The following DNAH7 variants were observed in gnomAD, a reference collection of about 807,000 sequenced individuals.
DNAH7 encodes dynein axonemal heavy chain 7.
In DNAH7, 397 loss-of-function variants were observed where a neutral mutation model predicts 444.6. That is an observed-to-expected ratio of 0.89 (90% CI 0.82 to 0.97). The LOEUF (loss-of-function observed/expected upper bound fraction) is 0.97. Ranked by LOEUF, DNAH7 falls within the 50% of genes least tolerant of loss-of-function variation. DNAH7 has a pLI of 0.00. For missense variants in DNAH7, 4,902 were observed against 4,800.8 expected, an observed-to-expected ratio of 1.02 and a Z score of -0.62; for synonymous variants, 1,636 against 1,624.4, an observed-to-expected ratio of 1.01 and a Z score of -0.17.
At position 195,816,744 on chromosome 2, in the gene DNAH7, A is replaced by C; in HGVS notation, c.9645T>G (p.Phe3215Leu). Residue 3215 changes from phenylalanine (F) to leucine (L), a missense_variant, in exon 51 of 65, where the codon TTT becomes TTG. Phe to Leu is a conservative substitution (Grantham distance 22, BLOSUM62 0). Coordinates refer to ENST00000312428, the MANE Select transcript of DNAH7 (RefSeq NM_018897.3). ...PIAIHSSILF[F>L]SLADLANIEP... is the part of the protein sequence containing the mutation. ...CAATGTTGGCTAAATCAGCAAGAGA[A>C]AAAAATAGGATGGAAGAATGGATGG... The C allele has an allele frequency of 6.2e-7, 1 of 1,614,212 alleles. No homozygotes were observed. Among genetic ancestry groups the C allele is most frequent in the Middle Eastern group, 1.6e-4 (1 of 6,062 alleles).
In DNAH7 at chr2:195,873,558, GATTA is replaced by G. The variant is rs954678470; in HGVS notation, c.6413+6_6413+9del. 1.5e-6 allele frequency: 2 copies of G among 1,290,954 alleles called. No individual in the cohort carries two copies. Among genetic ancestry groups the G allele is most frequent in the African/African-American group, 1.6e-5 (1 of 64,498 alleles). 80.0% of individuals were successfully genotyped at this position (1,290,954 alleles called of 1,614,324 possible). On this transcript the variant is annotated splice_donor_region_variant and intron_variant, in intron 39 of 64. Transcript: ENST00000312428. ...CCTAATTAAAAAAAAAACAAATTTT[GATTA>G]CTTACCAGATTTCTAAATGCCAAGT...
chr2:195,766,567 T>C (rs1044742716), intron 61 of DNAH7, among the ~76,000 whole-genome samples: 1 of 151,918 alleles, frequency 6.6e-6, no homozygotes, highest in African/African-American at 2.4e-5. Context: ...GGGTTAATAG[T>C]AGGGATGGTT....
At chr2:196,015,739 CAT>C (rs1694980229) in intron 9 of DNAH7, among the ~76,000 whole-genome samples, 1 of 152,198 alleles carries the variant, frequency 6.6e-6, no homozygotes, top group Non-Finnish European at 1.5e-5. Context: ...CACTGCCACA[CAT>C]AGAGATGTCG....
At chr2:196,056,692 T>G (rs979313439) in intron 2 of DNAH7, among the ~76,000 whole-genome samples, 2 of 152,196 alleles carry the variant, frequency 1.3e-5, no homozygotes, top group Admixed American at 6.5e-5. Context: ...AGTTGCCTAC[T>G]GTGCTAATCA....
At chr2:196,012,482 G>A (rs1694780614) in intron 10 of DNAH7, among the ~76,000 whole-genome samples, 1 of 151,962 alleles carries the variant, frequency 6.6e-6, no homozygotes. Flanking sequence ...ACAAATACCT[G>A]GTGAATAATG....
In DNAH7 at chr2:195,754,659, T is replaced by C. The variant is rs1281799185; in HGVS notation, c.11587-145A>G. 39 of 729,488 alleles carry C rather than the reference T, an allele frequency of 5.3e-5. No homozygotes were observed. In the East Asian group the frequency reaches 1.1e-3, roughly 20 times the overall value. The allele number at this position is 729,488 out of a possible 1,614,324, so 45.2% of individuals were successfully genotyped here. On this transcript the variant is annotated intron_variant, in intron 62 of 64. Coordinates refer to ENST00000312428, the MANE Select transcript of DNAH7 (RefSeq NM_018897.3). The stretch of plus-strand genomic sequence containing the variant: ...CCAAGTAGCTGGGAATACAGGCACA[T>C]ACCACCATGCCTGGCTAATTTTTTT...
chr2:195,917,044 G>A (rs960969494), intron 24 of DNAH7, among the ~76,000 whole-genome samples: 4 of 147,956 alleles, frequency 2.7e-5, no homozygotes, highest in Non-Finnish European at 5.9e-5. Context: ...AGAGCTTGCA[G>A]TGAGCCGAGA....
intron 35 of DNAH7, 56 bp from the exon 36 acceptor site, chr2:195,882,048 A>G: frequency 6.9e-7 from 1 of 1,441,600 alleles, no homozygotes; most frequent in Non-Finnish European, 9.6e-7. Context: ...AAAAAGCTCT[A>G]TACTCCTGTG....
At chr2:195,888,007 TA>T (rs1475243726) in intron 33 of DNAH7, among the ~76,000 whole-genome samples, 1 of 152,170 alleles carries the variant, frequency 6.6e-6, no homozygotes, top group African/African-American at 2.4e-5. Context: ...AAGAAAGAAA[TA>T]ACATTTTGAC....
chr2:195,987,237 CAAAT>C (rs772610333), intron 13 of DNAH7, 44 bp from the exon 14 acceptor site: 47 of 1,413,894 alleles, frequency 3.3e-5, no homozygotes, highest in African/African-American at 2.8e-4. Flanking sequence ...AGAAATAAAA[CAAAT>C]AAATTTTCAC....
chr2:195,811,776 GA>G (rs148713731), intron 51 of DNAH7, among the ~76,000 whole-genome samples: 2,727 of 149,284 alleles, frequency 0.018, 77 homozygotes, highest in African/African-American at 0.062. Context: ...AGAAGTGAAA[GA>G]AAAAAAAAAC....
chr2:195,853,294 T>C, intron 46 of DNAH7, 49 bp downstream of exon 46: 1 of 1,537,984 alleles, frequency 6.5e-7, no homozygotes, highest in Non-Finnish European at 8.8e-7. Context: ...AGGGTTATAT[T>C]GGCTGTGATG....
intron 63 of DNAH7, among the ~76,000 whole-genome samples, chr2:195,750,950 G>C (rs1331020327): frequency 6.6e-6 from 1 of 151,990 alleles, no homozygotes; most frequent in East Asian, 1.9e-4. Flanking sequence ...ATTTTATGAG[G>C]GCAGGGGCTC....
rs545677013 is a variant in DNAH7 at position 195,880,442 on chromosome 2, C to A, written c.5961+1353G>T. Among the ~76,000 whole-genome samples the A allele has an allele frequency of 1.4e-3, 216 of 151,894 alleles. 1 individual carries two copies. Among genetic ancestry groups the A allele is most frequent in the African/African-American group, 4.8e-3 (197 of 41,422 alleles). ...CTCCTGGGTTCAAGCGATTCTCCTG[C>A]CTCAGCCACCTGAGTAGCTGGGACT... On this transcript the variant is annotated intron_variant, in intron 36 of 64. Transcript: ENST00000312428.
intron 30 of DNAH7, chr2:195,894,761 A>G: frequency 2.8e-6 from 1 of 354,926 alleles, no homozygotes; most frequent in Non-Finnish European, 4.9e-6. Flanking sequence ...TTTTTAAAAA[A>G]GAAATAAAAG....
At chr2:195,913,906 G>A (rs1165049175) in intron 24 of DNAH7, among the ~76,000 whole-genome samples, 2 of 152,170 alleles carry the variant, frequency 1.3e-5, no homozygotes, top group African/African-American at 2.4e-5. Context: ...AGTAGAAACG[G>A]GGTTTCACCA....
Position 195,809,839 on chromosome 2 carries a change from G to T in DNAH7, c.9794C>A (p.Ser3265Ter). Reference protein sequence around the residue: ...LQILKDHFTYSLYVNVCRSLF... With the variant: ...LQILKDHFTY Reference sequence around the variant, plus strand: ...TGACCGGCAGACATTAACATACAGTGAATAAGTAAAGTGATCCTTGAGAAT... The same window carrying T: ...TGACCGGCAGACATTAACATACAGTTAATAAGTAAAGTGATCCTTGAGAAT... Residue 3265 changes from serine to a stop codon, truncating the protein, a stop_gained, in exon 52 of 65, where the codon TCA becomes TAA. Transcript: ENST00000312428. LOFTEE classifies it high-confidence loss of function. 6.3e-7 allele frequency: 1 copy of T among 1,585,088 alleles called. No homozygotes were observed. The highest frequency in any genetic ancestry group is 1.2e-5 in the South Asian group (1 of 85,578).
In DNAH7 at chr2:195,756,245, C is replaced by T. The variant is rs1694066964; in HGVS notation, c.11474G>A (p.Ser3825Asn). The change falls in exon 62 of 65, where the codon AGC (serine) becomes AAC (asparagine). Residue 3825 changes from serine to asparagine, a missense_variant. Physicochemically the swap from Ser to Asn is conservative, Grantham distance 46. Transcript: ENST00000312428. ...TGGAATTTTGACATTCAAAATGCTG[C>T]TAACCACTTCTTCAAGATCTGTAGA... ...VMSTDLEEVVSSILNVKIPEM... is the reference protein window; with the variant it reads ...VMSTDLEEVVNSILNVKIPEM... 6.2e-7 allele frequency: 1 copy of T among 1,613,572 alleles called. No individual in the cohort carries two copies. Among genetic ancestry groups the T allele is most frequent in the Admixed American group, 1.7e-5 (1 of 59,976 alleles).
At chr2:196,036,606 G>T (rs1292711472) in intron 5 of DNAH7, among the ~76,000 whole-genome samples, 7 of 152,150 alleles carry the variant, frequency 4.6e-5, no homozygotes, top group Non-Finnish European at 2.9e-5. Flanking sequence ...GGGACACTGT[G>T]TGTCCCACCT....
Sources: allele counts gnomAD v4.1 joint callset (sites outside exome capture counted in the v4.1 genomes callset), GRCh38; gene constraint gnomAD v4.1.1; transcripts MANE v1.5; gene names NCBI Gene and HGNC (gene_info 2026-07-23, HGNC 2026-07-21).